The following KIDINS220 variants were observed in gnomAD, a reference collection of about 807,000 sequenced individuals.
The protein encoded by KIDINS220 is kinase D-interacting substrate of 220 kDa.
In KIDINS220, 63 loss-of-function variants were observed where a neutral mutation model predicts 157.6. That is an observed-to-expected ratio of 0.40 (90% CI 0.33 to 0.49). The LOEUF is 0.49. Ranked by LOEUF, KIDINS220 falls within the 20% of genes least tolerant of loss-of-function variation. The probability of loss-of-function intolerance (pLI) is 0.66; values close to 1 mark genes in which losing one functional copy is unlikely to be tolerated. For synonymous variants in KIDINS220, 732 were observed against 783.6 expected (o/e 0.93, Z 1.10); for missense variants, 1,772 against 2,171.2 (o/e 0.82, Z 3.65).
At chr2:8,725,209 T>C (rs548115966), downstream of KIDINS220, 1 of 152,348 alleles carries the variant, frequency 6.6e-6, no homozygotes, top group African/African-American at 2.4e-5. Context: ...AGTATAGCGA[T>C]ATGCAGTCTA....
Position 8,740,335 on chromosome 2 carries a change from A to G in KIDINS220, c.3586-3336T>C, listed in dbSNP as rs79110417. Among the ~76,000 whole-genome samples, 1,145 of 152,310 alleles carry G rather than the reference A, an allele frequency of 7.5e-3. 18 individuals are homozygous for G. Among genetic ancestry groups the G allele is most frequent in the African/African-American group, 0.025 (1,030 of 41,570 alleles). On this transcript the variant is annotated intron_variant, in intron 26 of 29. Coordinates refer to ENST00000256707, the MANE Select transcript of KIDINS220 (RefSeq NM_020738.4). ...GGACCACGGACAACAGCACACAGCA[A>G]GGAGCACACATGCATGCACACACAC...
chr2:8,811,975 G>GGCCCATCTTC (rs549281662), intron 6 of KIDINS220, among the ~76,000 whole-genome samples: 268 of 152,218 alleles, frequency 1.8e-3, no homozygotes, highest in African/African-American at 6.2e-3. Flanking sequence ...AGGAAGGCAA[G>GGCCCATCTTC]GCCCATCTTC....
intron 2 of KIDINS220, among the ~76,000 whole-genome samples, chr2:8,819,281 C>T (rs1469878355): frequency 6.6e-6 from 1 of 152,068 alleles, no homozygotes; most frequent in Middle Eastern, 3.2e-3. Context: ...TTTTTTAAAG[C>T]CTTCTCTTAG....
chr2:8,753,636 T>C (rs966159864), intron 22 of KIDINS220, among the ~76,000 whole-genome samples: 1 of 152,240 alleles, frequency 6.6e-6, no homozygotes, highest in African/African-American at 2.4e-5. Context: ...TAGATTATAC[T>C]AAGTGAGCAC....
chr2:8,769,255 C>A (rs1311624186), intron 22 of KIDINS220, among the ~76,000 whole-genome samples: 1 of 152,108 alleles, frequency 6.6e-6, no homozygotes, highest in Non-Finnish European at 1.5e-5. Flanking sequence ...AAGCAAGGAC[C>A]CATGTGAGAT....
At chr2:8,757,478 G>A (rs1441872727) in intron 22 of KIDINS220, 18 of 1,378,188 alleles carry the variant, frequency 1.3e-5, no homozygotes, top group Admixed American at 3.1e-5. Flanking sequence ...ATGTGAGGCC[G>A]TCTTCATTTC....
At chr2:8,785,646 A>T in intron 17 of KIDINS220, 95 bp downstream of exon 17, 2 of 996,386 alleles carry the variant, frequency 2.0e-6, no homozygotes, top group Non-Finnish European at 3.0e-6. Flanking sequence ...GCAACACTTT[A>T]ACATTTAGAG....
At chr2:8,798,130 G>T (rs1464462612) in intron 10 of KIDINS220, 72 bp downstream of exon 10, 13 of 847,850 alleles carry the variant, frequency 1.5e-5, no homozygotes, top group Non-Finnish European at 2.1e-5. Flanking sequence ...AAACAAAGAC[G>T]ACTGAAATAA....
chr2:8,800,365 C>G, intron 9 of KIDINS220, 35 bp downstream of exon 9: 2 of 1,358,226 alleles, frequency 1.5e-6, no homozygotes, highest in Non-Finnish European at 2.1e-6. Context: ...TGCAATTATA[C>G]TCTAAGATAG....
At chr2:8,744,389 ATATATATATATAATATATATATATATAT>A (rs1666207169) in intron 26 of KIDINS220, among the ~76,000 whole-genome samples, 4 of 27,892 alleles carry the variant, frequency 1.4e-4, no homozygotes, top group Admixed American at 1.4e-3. Flanking sequence ...AAAAAAAAAA[ATATATATATATAATATATATATATATAT>A]ATATATATAT....
chr2:8,738,629 G>A (rs988975554), intron 26 of KIDINS220, among the ~76,000 whole-genome samples: 1 of 152,158 alleles, frequency 6.6e-6, no homozygotes, highest in Non-Finnish European at 1.5e-5. Context: ...ATTGAGGGAC[G>A]TTCTACAAAA....
rs527608960 is a variant in KIDINS220, at chr2:8,761,369, A to G, written c.3011+9301T>C. Among the ~76,000 whole-genome samples the G allele has an allele frequency of 3.9e-5, 6 of 152,330 alleles. No homozygotes were observed. In the East Asian group the frequency reaches 1.2e-3, roughly 29 times the overall value. On this transcript the variant is annotated intron_variant, in intron 22 of 29. Transcript: ENST00000256707. ...TTCTCTTAAAAGATTTAATGTTTAA[A>G]AAGTATAGAACTGAAGTTCTACAAT...
chr2:8,744,279 C>A (rs1309585434), intron 26 of KIDINS220, among the ~76,000 whole-genome samples: 1 of 137,096 alleles, frequency 7.3e-6, no homozygotes, highest in Non-Finnish European at 1.6e-5. Context: ...AAGCTATAAG[C>A]ACTACAGTGT....
At position 8,791,067 on chromosome 2, in the gene KIDINS220, T is replaced by C. The variant is rs2148275843; in HGVS notation, c.1434A>G (p.Lys478=). The C allele has an allele frequency of 6.2e-7, 1 of 1,612,842 alleles. No homozygotes were observed. The change falls in exon 13 of 30, where the codon AAA becomes AAG. Residue 478 remains lysine, a synonymous_variant. Coordinates refer to ENST00000256707, the MANE Select transcript of KIDINS220 (RefSeq NM_020738.4). Reference sequence around the variant, plus strand: ...TACAAGCAAGCCCTTTACCTTCTAGTTTCTTGAGTAAGAAAGATTTCCCAC... The same window carrying C: ...TACAAGCAAGCCCTTTACCTTCTAGCTTCTTGAGTAAGAAAGATTTCCCAC... ...WGSGKSFLLK[K]LEDEMKTFAG...
At chr2:8,791,713 T>C (rs1306364236) in intron 12 of KIDINS220, among the ~76,000 whole-genome samples, 4 of 152,126 alleles carry the variant, frequency 2.6e-5, no homozygotes, top group African/African-American at 7.2e-5. Context: ...ACAAAGAAAG[T>C]TGTAAAATGT....
rs1341316451 is a variant in KIDINS220 at position 8,779,011 on chromosome 2, G to A, written c.2499C>T (p.Tyr833=). Residue 833 remains tyrosine (Y), a synonymous_variant, in exon 19 of 30, where the codon TAC becomes TAT. Coordinates refer to ENST00000256707, the MANE Select transcript of KIDINS220 (RefSeq NM_020738.4). ...CAGGCAAGTGGACTATGTTGCGCAT[G>A]TAGTCATGGCCATTTATATTTGAAT... ...LRDSNINGHD[Y]MRNIVHLPVF... 3.7e-6 allele frequency: 6 copies of A among 1,614,024 alleles called. No individual in the cohort carries two copies. In the African/African-American group the frequency reaches 6.7e-5, roughly 18 times the overall value.
chr2:8,765,001 T>C (rs1669273864), intron 22 of KIDINS220, among the ~76,000 whole-genome samples: 1 of 152,080 alleles, frequency 6.6e-6, no homozygotes, highest in Admixed American at 6.5e-5. Flanking sequence ...AAAGGACTCA[T>C]CTAATAAAGC....
At chr2:8,751,948 A>T (rs1182009001) in intron 22 of KIDINS220, among the ~76,000 whole-genome samples, 1 of 152,042 alleles carries the variant, frequency 6.6e-6, no homozygotes, top group Non-Finnish European at 1.5e-5. Context: ...AAGTTGATCC[A>T]CCCACCTCAG....
intron 1 of KIDINS220, among the ~76,000 whole-genome samples, chr2:8,828,270 G>C (rs1679110579): frequency 6.6e-6 from 1 of 152,144 alleles, no homozygotes; most frequent in Admixed American, 6.5e-5. Context: ...CATGCACACG[G>C]CTTACCCCCT....
Sources: gnomAD v4.1 joint callset for allele counts (sites outside exome capture counted in the v4.1 genomes callset) on GRCh38, gnomAD v4.1.1 for gene constraint, MANE v1.5 for transcripts, NCBI Gene and HGNC (gene_info 2026-07-23, HGNC 2026-07-21) for gene names.